The following CNTN5 variants were observed in gnomAD, a reference collection of about 807,000 sequenced individuals.
The protein encoded by CNTN5 is contactin-5.
CNTN5 carries 77 observed loss-of-function variants against 129.1 expected under a neutral mutation model. The observed-to-expected ratio is 0.60, with a 90% CI of 0.50 to 0.72. The LOEUF (loss-of-function observed/expected upper bound fraction) is 0.72. Ranked by LOEUF, CNTN5 falls within the 30% of genes least tolerant of loss-of-function variation. CNTN5 has a pLI of 0.00. For missense variants in CNTN5, 1,478 were observed against 1,328.8 expected (o/e 1.11, Z -1.75); for synonymous variants, 509 against 465.6 (o/e 1.09, Z -1.20).
chr11:99,564,652 T>A (rs561164728), intron 3 of CNTN5, among the ~76,000 whole-genome samples: 1 of 152,328 alleles, frequency 6.6e-6, no homozygotes, highest in South Asian at 2.1e-4. Flanking sequence ...TAGCCTATTT[T>A]TAATATATAT....
chr11:100,307,460 T>G (rs1419718731), intron 20 of CNTN5, among the ~76,000 whole-genome samples: 1 of 151,552 alleles, frequency 6.6e-6, no homozygotes, highest in Non-Finnish European at 1.5e-5. Flanking sequence ...TCACATCAAG[T>G]GCAGCCTCGA....
At chr11:100,149,315 T>C (rs1025510472) in intron 13 of CNTN5, among the ~76,000 whole-genome samples, 1 of 152,158 alleles carries the variant, frequency 6.6e-6, no homozygotes, top group Admixed American at 6.5e-5. Context: ...ATGATACTGG[T>C]TTTAAAACAA....
At chr11:99,839,861 A>T (rs189889633) in intron 4 of CNTN5, among the ~76,000 whole-genome samples, 164 of 152,248 alleles carry the variant, frequency 1.1e-3, no homozygotes, top group African/African-American at 3.7e-3. Flanking sequence ...GTTTATGGAG[A>T]GAACTTTTTT....
chr11:99,381,122 G>T (rs1297965244), intron 2 of CNTN5, among the ~76,000 whole-genome samples: 1 of 150,156 alleles, frequency 6.7e-6, no homozygotes, highest in African/African-American at 2.5e-5. Flanking sequence ...ACATATACCA[G>T]CAAATAAAAA....
At chr11:99,077,190 C>CT (rs1295605311) in intron 1 of CNTN5, among the ~76,000 whole-genome samples, 1 of 144,026 alleles carries the variant, frequency 6.9e-6, no homozygotes, top group African/African-American at 2.7e-5. Context: ...TGTTGCACCC[C>CT]TTAACACTGT....
At chr11:99,190,831 AT>A (rs1858602189) in intron 1 of CNTN5, among the ~76,000 whole-genome samples, 2 of 150,960 alleles carry the variant, frequency 1.3e-5, no homozygotes, top group East Asian at 1.9e-4. Flanking sequence ...TGTAATCTGT[AT>A]TTTTTTTCTC....
intron 7 of CNTN5, among the ~76,000 whole-genome samples, chr11:99,955,852 C>T (rs1480686323): frequency 6.6e-6 from 1 of 152,176 alleles, no homozygotes; most frequent in African/African-American, 2.4e-5. Context: ...GCGTTAGCCC[C>T]CGTGTGCAGC....
At chr11:99,379,652 G>T (rs149147432) in intron 2 of CNTN5, among the ~76,000 whole-genome samples, 4 of 152,172 alleles carry the variant, frequency 2.6e-5, no homozygotes, top group Non-Finnish European at 4.4e-5. Flanking sequence ...CATGTGGAAA[G>T]GTAGAAAAAA....
intron 1 of CNTN5, among the ~76,000 whole-genome samples, chr11:99,244,052 G>A (rs781383672): frequency 6.6e-6 from 1 of 152,064 alleles, no homozygotes; most frequent in Non-Finnish European, 1.5e-5. Context: ...GATTGCTTTA[G>A]GCAGTATGGC....
Position 99,491,404 on chromosome 11 carries a change from T to C in CNTN5, c.-70-64741T>C, listed in dbSNP as rs562983555. Among the ~76,000 whole-genome samples, 6 of 152,262 alleles carry C rather than the reference T, an allele frequency of 3.9e-5. No individual in the cohort carries two copies. The South Asian group carries it at 1.0e-3, about 26-fold the overall frequency. ...CGAATTGATTATATTCGGAGGTTAA[T>C]GATCAGAGGAATCCTTATTGACTCC... On this transcript the variant is annotated intron_variant, in intron 2 of 24. Transcript: ENST00000524871.
At chr11:99,509,980 TA>T (rs146598193) in intron 2 of CNTN5, among the ~76,000 whole-genome samples, 2,110 of 151,736 alleles carry the variant, frequency 0.014, 45 homozygotes, top group African/African-American at 0.047. Flanking sequence ...AAATGTCGCT[TA>T]ATCTCTCTTT....
At chr11:100,017,262 A>G (rs1940876774) in intron 9 of CNTN5, among the ~76,000 whole-genome samples, 1 of 152,002 alleles carries the variant, frequency 6.6e-6, no homozygotes, top group Non-Finnish European at 1.5e-5. Context: ...AGACACACAG[A>G]GGAAGAATAT....
At chr11:100,094,765 A>AAGGAAGGAAGGAAGG (rs1491219635) in intron 13 of CNTN5, among the ~76,000 whole-genome samples, 1 of 113,850 alleles carries the variant, frequency 8.8e-6, no homozygotes. Context: ...GGGAGGGAGG[A>AAGGAAGGAAGGAAGG]AAGGAAGGAA....
chr11:99,695,856 C>T (rs918823340), intron 3 of CNTN5, among the ~76,000 whole-genome samples: 2 of 151,904 alleles, frequency 1.3e-5, no homozygotes, highest in African/African-American at 4.8e-5. Context: ...CTTTGGAAAC[C>T]TCTTCTATAA....
At chr11:99,736,272 T>C (rs528424859) in intron 3 of CNTN5, among the ~76,000 whole-genome samples, 18 of 152,290 alleles carry the variant, frequency 1.2e-4, no homozygotes, top group African/African-American at 4.1e-4. Context: ...TGGGGTTAGC[T>C]AGGTTTCTCA....
At chr11:99,075,598 A>C (rs1238962204) in intron 1 of CNTN5, among the ~76,000 whole-genome samples, 1 of 152,196 alleles carries the variant, frequency 6.6e-6, no homozygotes, top group African/African-American at 2.4e-5. Context: ...TTCTATTATC[A>C]AAGGAAACTT....
chr11:100,079,436 C>T (rs901336294), intron 13 of CNTN5, among the ~76,000 whole-genome samples: 12 of 152,034 alleles, frequency 7.9e-5, no homozygotes, highest in Non-Finnish European at 1.2e-4. Context: ...ATTCTTTGTT[C>T]ATCAGAGCCC....
chr11:99,480,443 T>A (rs1413304650), intron 2 of CNTN5, among the ~76,000 whole-genome samples: 2 of 152,180 alleles, frequency 1.3e-5, no homozygotes, highest in Non-Finnish European at 2.9e-5. Context: ...AACTGGGACA[T>A]CAGAATTATC....
chr11:99,157,247 A>G (rs1034037763), intron 1 of CNTN5, among the ~76,000 whole-genome samples: 1 of 152,022 alleles, frequency 6.6e-6, no homozygotes, highest in African/African-American at 2.4e-5. Flanking sequence ...GAAAATATGT[A>G]TTTTGATTTT....
Sources: gnomAD v4.1 joint callset for allele counts (sites outside exome capture counted in the v4.1 genomes callset) on GRCh38, gnomAD v4.1.1 for gene constraint, MANE v1.5 for transcripts, NCBI Gene and HGNC (gene_info 2026-07-23, HGNC 2026-07-21) for gene names.